Variants in FOCAD observed in about 807,000 individuals in gnomAD.
FOCAD encodes KIAA1797.
Under a neutral mutation model 225.6 loss-of-function variants are expected in FOCAD, and 198 were observed. That is an observed-to-expected ratio of 0.88 (90% CI 0.78 to 0.99). The LOEUF is 0.99. FOCAD is among the 50% of genes least tolerant of loss of function. The pLI is 0.00. For synonymous variants in FOCAD, 897 were observed against 755.0 expected (o/e 1.19, Z -3.08); for missense variants, 2,713 against 2,123.6 (o/e 1.28, Z -5.46).
chr9:20,774,858 G>A (rs190017706), intron 8 of FOCAD, among the ~76,000 whole-genome samples: 1 of 152,316 alleles, frequency 6.6e-6, no homozygotes. Flanking sequence ...ATAACAATTA[G>A]TAGAACTGTT....
chr9:20,674,151 T>G (rs1822158583), intron 2 of FOCAD, among the ~76,000 whole-genome samples: 1 of 152,196 alleles, frequency 6.6e-6, no homozygotes, highest in South Asian at 2.1e-4. Context: ...AAAAGCAAAT[T>G]ATATCAACTT....
chr9:20,929,911 A>G (rs1450384498), intron 27 of FOCAD, among the ~76,000 whole-genome samples: 1 of 152,184 alleles, frequency 6.6e-6, no homozygotes, highest in South Asian at 2.1e-4. Flanking sequence ...TTATGGTGCT[A>G]TAAGTAAAAA....
At chr9:20,675,630 G>A (rs1056637860) in intron 2 of FOCAD, among the ~76,000 whole-genome samples, 12 of 152,138 alleles carry the variant, frequency 7.9e-5, no homozygotes, top group Non-Finnish European at 1.5e-4. Context: ...TTTTCTGAGT[G>A]GCTTCTTTGT....
At chr9:20,862,503 T>C in intron 15 of FOCAD, 75 bp from the exon 16 acceptor site, 1 of 1,493,974 alleles carries the variant, frequency 6.7e-7, no homozygotes, top group South Asian at 1.3e-5. Context: ...TATAATAAAA[T>C]ATAGTACTCT....
intron 4 of FOCAD, among the ~76,000 whole-genome samples, chr9:20,732,067 C>T (rs1826761000): frequency 6.6e-6 from 1 of 152,004 alleles, no homozygotes; most frequent in African/African-American, 2.4e-5. Context: ...GGTATTAAGC[C>T]CAGCATGCAT....
chr9:20,722,740 T>C (rs539741394), intron 4 of FOCAD, among the ~76,000 whole-genome samples: 4 of 152,330 alleles, frequency 2.6e-5, no homozygotes, highest in Admixed American at 1.3e-4. Flanking sequence ...AAAGTTAAGA[T>C]TTTTATGTGT....
intron 6 of FOCAD, 63 bp from the exon 7 acceptor site, chr9:20,764,806 C>A: frequency 7.9e-7 from 1 of 1,264,970 alleles, no homozygotes; most frequent in Non-Finnish European, 1.1e-6. Flanking sequence ...TTGATATTTG[C>A]CACTTACCTG....
chr9:20,948,568 C>T (rs1410197484), intron 31 of FOCAD, among the ~76,000 whole-genome samples, 175 bp downstream of exon 31: 3 of 152,118 alleles, frequency 2.0e-5, no homozygotes, highest in Non-Finnish European at 4.4e-5. Context: ...ATTCTGCCAA[C>T]TATTATAATT....
At chr9:20,949,232 G>C (rs1432146441) in intron 32 of FOCAD, among the ~76,000 whole-genome samples, 1 of 152,136 alleles carries the variant, frequency 6.6e-6, no homozygotes, top group Non-Finnish European at 1.5e-5. Context: ...AAAGTTATTT[G>C]CAAGAAACTC....
At chr9:20,733,529 C>G (rs1343165967) in intron 4 of FOCAD, among the ~76,000 whole-genome samples, 2 of 152,054 alleles carry the variant, frequency 1.3e-5, no homozygotes, top group East Asian at 3.9e-4. Context: ...ACAACAGTCC[C>G]CAGATTGTGA....
At chr9:20,927,019 GAC>G (rs1291844237) in intron 26 of FOCAD, among the ~76,000 whole-genome samples, 1 of 91,140 alleles carries the variant, frequency 1.1e-5, no homozygotes, top group Non-Finnish European at 2.7e-5. Context: ...TATATGTATA[GAC>G]ATATATATAT....
At chr9:20,857,768 A>AC (rs1828334333) in intron 15 of FOCAD, among the ~76,000 whole-genome samples, 1 of 93,076 alleles carries the variant, frequency 1.1e-5, no homozygotes, top group African/African-American at 4.7e-5. Flanking sequence ...TTCTATACCC[A>AC]GTTTTTTTTT....
chr9:20,801,473 C>T (rs11789050), intron 11 of FOCAD, among the ~76,000 whole-genome samples: 58,390 of 151,954 alleles, frequency 0.38, 11,499 homozygotes, highest in East Asian at 0.51. Flanking sequence ...TGAGCCACTG[C>T]GCCCACCCTG....
intron 11 of FOCAD, among the ~76,000 whole-genome samples, chr9:20,815,984 T>A (rs10811410): frequency 0.018 from 2,769 of 152,266 alleles, 32 homozygotes; most frequent in Non-Finnish European, 0.028. Flanking sequence ...TTTTTCCATT[T>A]AATTGGGGAC....
At chr9:20,867,768 C>T (rs1025265873) in intron 18 of FOCAD, among the ~76,000 whole-genome samples, 1 of 151,982 alleles carries the variant, frequency 6.6e-6, no homozygotes, top group African/African-American at 2.4e-5. Flanking sequence ...GATGAAGTTA[C>T]GTGTAACATT....
chr9:20,706,934 G>C (rs950983748), intron 1 of FOCAD, among the ~76,000 whole-genome samples: 1 of 152,168 alleles, frequency 6.6e-6, no homozygotes, highest in Admixed American at 6.5e-5. Flanking sequence ...CTGTTGCCCA[G>C]AATTCACTCT....
chr9:20,929,148 A>C, intron 26 of FOCAD: 1 of 507,828 alleles, frequency 2.0e-6, no homozygotes, highest in Non-Finnish European at 3.5e-6. Context: ...TTAAAAGGAT[A>C]TTATTAATTA....
chr9:20,753,863 G>A (rs1279336238), intron 5 of FOCAD, among the ~76,000 whole-genome samples: 1 of 151,920 alleles, frequency 6.6e-6, no homozygotes, highest in South Asian at 2.1e-4. Context: ...GTTATTGTCT[G>A]CTACTGTTAG....
intron 15 of FOCAD, among the ~76,000 whole-genome samples, chr9:20,852,819 TTC>T (rs1827804483): frequency 6.6e-6 from 1 of 151,770 alleles, no homozygotes; most frequent in Non-Finnish European, 1.5e-5. Flanking sequence ...GATATTTTTA[TTC>T]TTTTTGCTAG....
Sources: gnomAD v4.1 joint callset for allele counts (sites outside exome capture counted in the v4.1 genomes callset) on GRCh38, gnomAD v4.1.1 for gene constraint, MANE v1.5 for transcripts, NCBI Gene and HGNC (gene_info 2026-07-23, HGNC 2026-07-21) for gene names.